Variants in NWD2 observed in about 807,000 individuals in gnomAD.
The protein encoded by NWD2 is NACHT and WD repeat domain-containing protein 2.
Under a neutral mutation model 132.7 loss-of-function variants are expected in NWD2, and 37 were observed. The ratio of observed to expected loss-of-function variants is 0.28; its 90% CI spans 0.21 to 0.37. The LOEUF is 0.37. Among genes scored for constraint, NWD2 ranks in the 10% least tolerant of loss-of-function variants. The probability of loss-of-function intolerance (pLI) is 1.00; values close to 1 mark genes in which losing one functional copy is unlikely to be tolerated. For synonymous variants in NWD2, 705 were observed against 803.0 expected (o/e 0.88, Z 2.06); for missense variants, 1,592 against 2,122.4 (o/e 0.75, Z 4.91).
chr4:37,297,582 G>A (rs937023198), intron 1 of NWD2, among the ~76,000 whole-genome samples: 1 of 152,116 alleles, frequency 6.6e-6, no homozygotes, highest in African/African-American at 2.4e-5. Context: ...ACATTTATTA[G>A]GAACTACCAG....
intron 1 of NWD2, among the ~76,000 whole-genome samples, chr4:37,317,855 A>C (rs1035321290): frequency 6.6e-6 from 1 of 152,198 alleles, no homozygotes; most frequent in African/African-American, 2.4e-5. Context: ...TATTACTTGA[A>C]AGTGACATTG....
chr4:37,328,703 A>G (rs1175015277), intron 2 of NWD2, among the ~76,000 whole-genome samples: 1 of 152,174 alleles, frequency 6.6e-6, no homozygotes, highest in Admixed American at 6.5e-5. Flanking sequence ...TGCAACAAAC[A>G]TACATGTGCA....
At chr4:37,404,870 G>A (rs912079068) in intron 3 of NWD2, among the ~76,000 whole-genome samples, 2 of 152,250 alleles carry the variant, frequency 1.3e-5, no homozygotes, top group African/African-American at 2.4e-5. Context: ...ACCAGATCTG[G>A]TGAGAACTCA....
intron 3 of NWD2, among the ~76,000 whole-genome samples, chr4:37,423,395 T>A (rs1711881179): frequency 6.6e-6 from 1 of 152,188 alleles, no homozygotes; most frequent in Non-Finnish European, 1.5e-5. Flanking sequence ...TGACTTATTA[T>A]AAGGCATTGG....
chr4:37,383,268 T>A (rs2109309202), intron 3 of NWD2, among the ~76,000 whole-genome samples: 1 of 152,342 alleles, frequency 6.6e-6, no homozygotes, highest in East Asian at 1.9e-4. Flanking sequence ...GCTTTCTCCC[T>A]CTCCCCCTTT....
chr4:37,295,669 C>G (rs1394047848), intron 1 of NWD2, among the ~76,000 whole-genome samples: 1 of 152,146 alleles, frequency 6.6e-6, no homozygotes, highest in African/African-American at 2.4e-5. Context: ...AACTTCGTCT[C>G]CTACCCTGAC....
At chr4:37,300,229 A>G (rs1718586583) in intron 1 of NWD2, among the ~76,000 whole-genome samples, 1 of 152,158 alleles carries the variant, frequency 6.6e-6, no homozygotes, top group Admixed American at 6.6e-5. Context: ...ATTATTGGAA[A>G]TAGTGCCATC....
At position 37,445,159 on chromosome 4, in the gene NWD2, C is replaced by T. The variant is rs145389202; in HGVS notation, c.3171C>T (p.Ser1057=). The change falls in exon 7 of 7, where the codon AGC becomes AGT. Residue 1057 remains serine, a synonymous_variant. Transcript: ENST00000309447. This position sits in a 1 kb window ranked among gnomAD's most constrained non-coding sequence, Gnocchi z 4.7. The stretch of plus-strand genomic sequence containing the variant: ...TCAAGGGGACCAAGCATGGAAGCAG[C>T]GCCACCTACATCAATGGATTTACAC... The part of the protein sequence containing the change: ...VEIKGTKHGS[S]ATYINGFTLS... 245 of 1,552,042 alleles carry T rather than the reference C, an allele frequency of 1.6e-4. 3 individuals are homozygous for T. The South Asian group carries it at 2.3e-3, about 14-fold the overall frequency.
At chr4:37,329,845 A>G (rs1380263750) in intron 2 of NWD2, among the ~76,000 whole-genome samples, 1 of 152,190 alleles carries the variant, frequency 6.6e-6, no homozygotes, top group East Asian at 1.9e-4. Context: ...AATAGTGCAA[A>G]CAGGAAGAAC....
chr4:37,410,649 A>G (rs1690034373), intron 3 of NWD2, among the ~76,000 whole-genome samples: 1 of 152,218 alleles, frequency 6.6e-6, no homozygotes, highest in Admixed American at 6.5e-5. Context: ...AGCGGAACTA[A>G]TAGACATCTA....
At chr4:37,312,155 A>G (rs969825157) in intron 1 of NWD2, among the ~76,000 whole-genome samples, 64 of 151,348 alleles carry the variant, frequency 4.2e-4, no homozygotes, top group Non-Finnish European at 7.2e-4. Context: ...GTTTTTTCCA[A>G]TTCTGTGAAG....
At chr4:37,289,633 T>C in intron 1 of NWD2, among the ~76,000 whole-genome samples, 1 of 152,344 alleles carries the variant, frequency 6.6e-6, no homozygotes, top group African/African-American at 2.4e-5. Flanking sequence ...TTGTTTACGG[T>C]TCTCTTCATT....
rs745950508 is a variant in NWD2 at position 37,446,000 on chromosome 4, G to A, written c.4012G>A (p.Asp1338Asn). ...GEIIYSLDGSDCVHKWNFSSG... is the reference protein window; with the variant it reads ...GEIIYSLDGSNCVHKWNFSSG... Reference sequence around the variant, plus strand: ...AATCATTTACTCCCTGGATGGATCCGATTGTGTTCATAAGTGGAACTTCAG... The same window carrying A: ...AATCATTTACTCCCTGGATGGATCCAATTGTGTTCATAAGTGGAACTTCAG... The change falls in exon 7 of 7, where the codon GAT becomes AAT. Residue 1338 changes from aspartate (D) to asparagine (N), a missense_variant. Around this residue, in one of 7 missense-constraint regions of NWD2, gnomAD observed 1,071 missense variants for 1,398.0 expected, o/e 0.77. Coordinates refer to ENST00000309447, the MANE Select transcript of NWD2 (RefSeq NM_001144990.2). This position sits in a 1 kb window ranked among gnomAD's most constrained non-coding sequence, Gnocchi z 4.7. 65 of 1,551,548 alleles carry A rather than the reference G, an allele frequency of 4.2e-5. No homozygotes were observed. The highest frequency in any genetic ancestry group is 5.5e-5 in the African/African-American group (4 of 73,034).
At chr4:37,406,734 T>G (rs529761822) in intron 3 of NWD2, among the ~76,000 whole-genome samples, 7 of 152,110 alleles carry the variant, frequency 4.6e-5, no homozygotes, top group African/African-American at 1.7e-4. Context: ...CCGTCTCTAC[T>G]AAAAATACAA....
intron 4 of NWD2, among the ~76,000 whole-genome samples, chr4:37,431,078 C>T (rs1043078845): frequency 2.6e-5 from 4 of 152,166 alleles, no homozygotes; most frequent in East Asian, 3.8e-4. Flanking sequence ...ACTGTACATT[C>T]GGGCAGCCTC....
intron 1 of NWD2, among the ~76,000 whole-genome samples, chr4:37,308,143 C>G (rs982889717): frequency 3.3e-5 from 5 of 152,056 alleles, no homozygotes; most frequent in East Asian, 1.9e-4. Context: ...TTATTTGGAT[C>G]CTTTTGAGGT....
At chr4:37,405,620 G>A (rs1320437881) in intron 3 of NWD2, among the ~76,000 whole-genome samples, 1 of 152,166 alleles carries the variant, frequency 6.6e-6, no homozygotes, top group Admixed American at 6.5e-5. Flanking sequence ...TTTCTAACAT[G>A]AGTTTGCTTG....
intron 2 of NWD2, among the ~76,000 whole-genome samples, chr4:37,343,169 G>A (rs1221713108): frequency 1.3e-5 from 2 of 152,172 alleles, no homozygotes; most frequent in African/African-American, 2.4e-5. Flanking sequence ...ACGCTAATCT[G>A]AGTTTTAAGA....
intron 1 of NWD2, among the ~76,000 whole-genome samples, chr4:37,245,526 A>G (rs535898042): frequency 6.0e-4 from 88 of 146,442 alleles, no homozygotes; most frequent in African/African-American, 2.0e-3. Context: ...CGCCGCCGCC[A>G]CCACCACCTC....
Sources: allele counts gnomAD v4.1 joint callset (sites outside exome capture counted in the v4.1 genomes callset), GRCh38; gene constraint gnomAD v4.1.1; regional missense constraint gnomAD v4.1.1; non-coding constraint Gnocchi (gnomAD v3.1); transcripts MANE v1.5; gene names NCBI Gene and HGNC (gene_info 2026-07-23, HGNC 2026-07-21).